Variants in PCDHGA2 observed in about 807,000 individuals in gnomAD.
The protein encoded by PCDHGA2 is protocadherin gamma subfamily A, 2.
PCDHGA2 carries 40 observed loss-of-function variants against 59.2 expected under a neutral mutation model. The ratio of observed to expected loss-of-function variants is 0.68; its 90% CI spans 0.52 to 0.88. The LOEUF (loss-of-function observed/expected upper bound fraction) is 0.88. PCDHGA2 is among the 40% of genes least tolerant of loss of function. The pLI is 0.00. For missense variants in PCDHGA2, 1,226 were observed against 1,204.0 expected (o/e 1.02, Z -0.27); for synonymous variants, 560 against 526.0 (o/e 1.06, Z -0.89).
chr5:141,366,550 T>C (rs780049739), intron 1 of PCDHGA2: 5 of 1,614,136 alleles, frequency 3.1e-6, no homozygotes, highest in African/African-American at 2.7e-5. Flanking sequence ...CCTCGCACTT[T>C]GTGGGCGTGG....
Position 141,491,954 on chromosome 5 carries a change from C to A in PCDHGA2, c.2425-2853C>A. ...TGGGACCGACCCCCACCCCTACACT[C>A]AAAAAAGGCCGGGGCCTCCTTCGAG... On this transcript the variant is annotated intron_variant, in intron 1 of 3. Transcript: ENST00000394576. This position sits in a 1 kb window ranked among gnomAD's most constrained non-coding sequence, Gnocchi z 6.9. The A allele has an allele frequency of 9.7e-7, 1 of 1,032,914 alleles. No individual in the cohort carries two copies. Among genetic ancestry groups the A allele is most frequent in the Non-Finnish European group, 1.3e-6 (1 of 747,256 alleles). The allele number at this position is 1,032,914 out of a possible 1,614,324, so 64.0% of individuals were successfully genotyped here.
chr5:141,356,520 G>T, intron 1 of PCDHGA2: 1 of 1,613,802 alleles, frequency 6.2e-7, no homozygotes, highest in South Asian at 1.1e-5. Context: ...ATATTTCACT[G>T]CAAGTGATGG....
intron 1 of PCDHGA2, chr5:141,383,994 C>T: frequency 6.2e-7 from 1 of 1,613,758 alleles, no homozygotes. Flanking sequence ...TTGGGACAGT[C>T]ATTGCTCTTT....
chr5:141,485,124 C>T lies in PCDHGA2; in HGVS notation c.2425-9683C>T. The T allele has an allele frequency of 7.2e-7, 1 of 1,390,146 alleles. No individual in the cohort carries two copies. The highest frequency in any genetic ancestry group is 1.0e-6 in the Non-Finnish European group (1 of 990,090). The allele number at this position is 1,390,146 out of a possible 1,614,324, so 86.1% of individuals were successfully genotyped here. ...GCTGCTGTGGCTGTTTGGGGCGGGT[C>T]GGCTTCATCCGCGTCTCAGGAGCAA... On this transcript the variant is annotated intron_variant, in intron 1 of 3. Coordinates refer to ENST00000394576, the MANE Select transcript of PCDHGA2 (RefSeq NM_018915.4). The surrounding 1 kb of genome is among the most constrained non-coding windows in gnomAD (Gnocchi z 5.7).
chr5:141,483,951 TTG>T (rs1298075162), intron 1 of PCDHGA2, among the ~76,000 whole-genome samples: 2 of 147,758 alleles, frequency 1.4e-5, no homozygotes, highest in Non-Finnish European at 3.0e-5. Flanking sequence ...GTGAATTGTG[TTG>T]TGTTTCTGTG....
intron 1 of PCDHGA2, chr5:141,393,590 G>A: frequency 1.2e-6 from 2 of 1,613,896 alleles, no homozygotes; most frequent in South Asian, 2.2e-5. Flanking sequence ...CCCCAGGCAC[G>A]CGGCTGCTTA....
intron 2 of PCDHGA2, among the ~76,000 whole-genome samples, chr5:141,503,681 A>C (rs1313633991): frequency 6.6e-6 from 1 of 152,102 alleles, no homozygotes; most frequent in Non-Finnish European, 1.5e-5. Context: ...ACTTTTGGGA[A>C]GGAGAATTGA....
At chr5:141,482,338 T>C (rs2099556539) in intron 1 of PCDHGA2, among the ~76,000 whole-genome samples, 1 of 152,156 alleles carries the variant, frequency 6.6e-6, no homozygotes, top group African/African-American at 2.4e-5. Context: ...ATATCTACTT[T>C]GCAAACTTGT....
intron 1 of PCDHGA2, chr5:141,428,440 G>A (rs890993546): frequency 1.0e-5 from 4 of 393,892 alleles, no homozygotes; most frequent in African/African-American, 8.2e-5. Flanking sequence ...GACTAGACCA[G>A]GGGTTTTTCC....
chr5:141,399,859 G>A (rs2093908235), intron 1 of PCDHGA2: 1 of 1,612,726 alleles, frequency 6.2e-7, no homozygotes, highest in Admixed American at 1.7e-5. Flanking sequence ...GCCGCGCGCT[G>A]CAGAGCCCGG....
At chr5:141,379,889 C>CT (rs70988800) in intron 1 of PCDHGA2, among the ~76,000 whole-genome samples, 813 of 50,762 alleles carry the variant, frequency 0.016, 203 homozygotes, top group Non-Finnish European at 0.022. Flanking sequence ...GTGAAAGCCT[C>CT]TTTTTTTTTT....
Position 141,494,830 on chromosome 5 carries a change from G to C in PCDHGA2, c.2448G>C (p.Trp816Cys), listed in dbSNP as rs2099757104. Residue 816 changes from tryptophan (W) to cysteine (C), a missense_variant, in exon 2 of 4, where the codon TGG (tryptophan) becomes TGC (cysteine). Coordinates refer to ENST00000394576, the MANE Select transcript of PCDHGA2 (RefSeq NM_018915.4). ...AGCAAGCCCCGCCCAACACGGACTG[G>C]CGTTTCTCTCAGGCCCAGAGACCCG... The part of the protein sequence containing the change: ...FSQQAPPNTD[W>C]RFSQAQRPGT... 6.2e-7 allele frequency: 1 copy of C among 1,614,098 alleles called. No homozygotes were observed. The highest frequency in any genetic ancestry group is 2.2e-5 in the East Asian group (1 of 44,862).
At chr5:141,354,636 C>T (rs1432880268) in intron 1 of PCDHGA2, among the ~76,000 whole-genome samples, 2 of 152,202 alleles carry the variant, frequency 1.3e-5, no homozygotes, top group African/African-American at 4.8e-5. Context: ...TTATCTGTCT[C>T]ATCCATTTTT....
chr5:141,408,239 C>A, intron 1 of PCDHGA2: 2 of 1,577,720 alleles, frequency 1.3e-6, no homozygotes, highest in South Asian at 2.3e-5. Flanking sequence ...CCGGGCCGGC[C>A]CGCGGCAGGT....
At chr5:141,426,756 G>C in intron 1 of PCDHGA2, 1 of 456,302 alleles carries the variant, frequency 2.2e-6, no homozygotes, top group Non-Finnish European at 4.4e-6. Context: ...ATCTGCTATA[G>C]ATGCAGATGT....
chr5:141,389,301 A>G (rs2091692161), intron 1 of PCDHGA2: 3 of 1,614,010 alleles, frequency 1.9e-6, no homozygotes, highest in Non-Finnish European at 2.5e-6. Flanking sequence ...TTCACAAGTC[A>G]GGGCTTCTGA....
intron 1 of PCDHGA2, among the ~76,000 whole-genome samples, chr5:141,349,324 C>T (rs1218757042): frequency 6.6e-6 from 1 of 152,156 alleles, no homozygotes. Flanking sequence ...CCCACCTTGG[C>T]CTCCCAAAGT....
intron 2 of PCDHGA2, among the ~76,000 whole-genome samples, chr5:141,501,506 G>A (rs770097282): frequency 1.3e-5 from 2 of 151,864 alleles, no homozygotes; most frequent in Non-Finnish European, 2.9e-5. Context: ...GGGGCTCCAA[G>A]GCCTCCAAGC....
intron 1 of PCDHGA2, among the ~76,000 whole-genome samples, chr5:141,438,611 TATATATATATATATATATATATATAC>T (rs1451681129): frequency 0.1 from 4,016 of 39,372 alleles, 166 homozygotes; most frequent in Middle Eastern, 0.18. Context: ...TATATATATA[TATATATATATATATATATATATATAC>T]ACACACACAC....
Sources: allele counts gnomAD v4.1 joint callset (sites outside exome capture counted in the v4.1 genomes callset), GRCh38; gene constraint gnomAD v4.1.1; non-coding constraint Gnocchi (gnomAD v3.1); transcripts MANE v1.5; gene names NCBI Gene and HGNC (gene_info 2026-07-23, HGNC 2026-07-21).